Variants in ABCG1 observed in about 807,000 individuals in gnomAD.
ABCG1 encodes the protein ATP binding cassette subfamily G member 1, also known as ATP-binding cassette sub-family G member 1.
ABCG1 carries 29 observed loss-of-function variants against 69.2 expected under a neutral mutation model. That is an observed-to-expected ratio of 0.42 (90% CI 0.31 to 0.57). The LOEUF is 0.57. ABCG1 is among the 20% of genes least tolerant of loss of function. ABCG1 has a pLI of 0.15. For missense variants in ABCG1, 718 were observed against 898.1 expected, an observed-to-expected ratio of 0.80 and a Z score of 2.56; for synonymous variants, 370 against 374.8, an observed-to-expected ratio of 0.99 and a Z score of 0.15.
intron 2 of ABCG1, among the ~76,000 whole-genome samples, chr21:42,230,579 G>T (rs1202586051): frequency 6.6e-6 from 1 of 152,238 alleles, no homozygotes; most frequent in Non-Finnish European, 1.5e-5. Context: ...GTGGTTAAGA[G>T]TAAGTTCACA....
At chr21:42,269,908 C>T (rs1292622553) in intron 2 of ABCG1, among the ~76,000 whole-genome samples, 1 of 152,182 alleles carries the variant, frequency 6.6e-6, no homozygotes, top group Non-Finnish European at 1.5e-5. Flanking sequence ...CGTGTGGAAG[C>T]TAAAATGGCA....
At position 42,266,925 on chromosome 21, in the gene ABCG1, G is replaced by A. The variant is rs1006007593; in HGVS notation, c.287-4145G>A. Among the ~76,000 whole-genome samples the A allele has an allele frequency of 3.8e-4, 58 of 152,260 alleles. 1 individual carries two copies. Among genetic ancestry groups the A allele is most frequent in the Admixed American group, 8.5e-4 (13 of 15,290 alleles). Reference sequence around the variant, plus strand: ...GACCCCATTCTCTCCTCTGGTTCTCGATGGCCCTCACCTCCCATTTCTTTC... The same window carrying A: ...GACCCCATTCTCTCCTCTGGTTCTCAATGGCCCTCACCTCCCATTTCTTTC... On this transcript the variant is annotated intron_variant, in intron 2 of 14. Transcript: ENST00000398449.
intron 6 of ABCG1, among the ~76,000 whole-genome samples, 193 bp from the exon 7 acceptor site, chr21:42,284,367 G>T (rs950505238): frequency 6.6e-6 from 1 of 152,052 alleles, no homozygotes; most frequent in Non-Finnish European, 1.5e-5. Flanking sequence ...AACATGCAAA[G>T]CCCTGCTGTG....
Position 42,291,773 on chromosome 21 carries a change from A to G in ABCG1, c.1653+117A>G. 1.6e-6 allele frequency: 2 copies of G among 1,252,730 alleles called. No homozygotes were observed. The highest frequency in any genetic ancestry group is 3.3e-5 in the South Asian group (2 of 61,246). 77.6% of individuals were successfully genotyped at this position (1,252,730 alleles called of 1,614,324 possible). A position where few individuals can be genotyped will look rare whatever the true frequency, so the allele number is the denominator to read the frequency against. On this transcript the variant is annotated intron_variant, in intron 13 of 14. Coordinates refer to ENST00000398449, the MANE Select transcript of ABCG1 (RefSeq NM_016818.3). This position sits in a 1 kb window ranked among gnomAD's most constrained non-coding sequence, Gnocchi z 6.4. ...CCTACTTCTGCCCTGACCCTCCTAG[A>G]TGGGGTCGTTCCCACGGGAAGGGCC...
upstream of ABCG1, among the ~76,000 whole-genome samples, chr21:42,214,451 G>T (rs536413630): frequency 2.6e-5 from 4 of 152,206 alleles, no homozygotes; most frequent in African/African-American, 9.7e-5. Flanking sequence ...TAAGACACAC[G>T]TACACTCCCT....
chr21:42,269,947 G>A (rs2068585789), intron 2 of ABCG1, among the ~76,000 whole-genome samples: 1 of 152,178 alleles, frequency 6.6e-6, no homozygotes, highest in Non-Finnish European at 1.5e-5. Flanking sequence ...ATTTAACAGT[G>A]GATTCTGATC....
intron 2 of ABCG1, among the ~76,000 whole-genome samples, chr21:42,264,251 A>C (rs570815446): frequency 1.3e-5 from 2 of 152,324 alleles, no homozygotes; most frequent in African/African-American, 4.8e-5. Context: ...CTGAATCTCT[A>C]ATGTTCTAAA....
At chr21:42,241,107 C>T (rs1385555232) in intron 2 of ABCG1, among the ~76,000 whole-genome samples, 1 of 152,244 alleles carries the variant, frequency 6.6e-6, no homozygotes, top group East Asian at 1.9e-4. Flanking sequence ...GACTCTTATC[C>T]TTCTGACTTT....
chr21:42,241,147 G>C (rs895416265), intron 2 of ABCG1, among the ~76,000 whole-genome samples: 2 of 152,256 alleles, frequency 1.3e-5, no homozygotes, highest in Admixed American at 1.3e-4. Context: ...CACTGGCCAC[G>C]TTCAGACGTG....
At chr21:42,249,810 G>T (rs2068190313) in intron 2 of ABCG1, among the ~76,000 whole-genome samples, 1 of 152,104 alleles carries the variant, frequency 6.6e-6, no homozygotes, top group Admixed American at 6.5e-5. Flanking sequence ...TTTGAGACCA[G>T]CCTGGCCAGC....
chr21:42,267,862 G>A (rs567196926), intron 2 of ABCG1, among the ~76,000 whole-genome samples: 13 of 148,614 alleles, frequency 8.7e-5, no homozygotes, highest in Non-Finnish European at 1.8e-4. Context: ...GGTCTGATCT[G>A]GGTCTGGTCT....
chr21:42,242,450 A>C (rs2123603366), intron 2 of ABCG1, among the ~76,000 whole-genome samples: 1 of 152,322 alleles, frequency 6.6e-6, no homozygotes, highest in Middle Eastern at 3.4e-3. Flanking sequence ...GCAGTAAGCT[A>C]TGATAGCACT....
intron 1 of ABCG1, among the ~76,000 whole-genome samples, chr21:42,220,606 G>A (rs56714091): frequency 0.046 from 7,076 of 152,312 alleles, 531 homozygotes; most frequent in African/African-American, 0.16. Flanking sequence ...GAGCCCGAGC[G>A]GGAGACCCGC....
chr21:42,293,246 CACACTACACACCAT>C (rs1386976542), intron 13 of ABCG1, among the ~76,000 whole-genome samples: 5,692 of 134,054 alleles, frequency 0.042, 847 homozygotes, highest in African/African-American at 0.18. Context: ...ACACACACAC[CACACTACACACCAT>C]ACACTACACA....
intron 2 of ABCG1, among the ~76,000 whole-genome samples, chr21:42,264,391 GTCCA>G (rs762198211): frequency 2.0e-5 from 3 of 152,142 alleles, no homozygotes; most frequent in East Asian, 1.9e-4. Context: ...CTGTCCCTCT[GTCCA>G]TCCATCCATC....
chr21:42,234,566 C>T (rs1378366874), intron 2 of ABCG1, among the ~76,000 whole-genome samples: 1 of 152,242 alleles, frequency 6.6e-6, no homozygotes, highest in Non-Finnish European at 1.5e-5. Flanking sequence ...GGCCTCCACC[C>T]AGACGTTCCC....
At chr21:42,290,001 CGA>C (rs1569240792) in intron 10 of ABCG1, 47 bp from the exon 11 acceptor site, 2 of 1,612,610 alleles carry the variant, frequency 1.2e-6, no homozygotes, top group Admixed American at 3.3e-5. Flanking sequence ...TTCTCTGAGC[CGA>C]GGACGGCTTT....
rs574231157 is a variant in ABCG1, at chr21:42,281,290, G to A, written c.589-984G>A. On this transcript the variant is annotated intron_variant, in intron 5 of 14. Coordinates refer to ENST00000398449, the MANE Select transcript of ABCG1 (RefSeq NM_016818.3). ...CACAGGGCTGCCCTGGCAGGGTGGG[G>A]ACAATAGCTGGGTGAATGCTGGAGG... 2.6e-5 allele frequency among the ~76,000 whole-genome samples: 4 copies of A among 152,324 alleles called. No individual in the cohort carries two copies. The East Asian group carries it at 7.7e-4, about 29-fold the overall frequency.
At chr21:42,285,191 A>G (rs2123787169) in intron 7 of ABCG1, among the ~76,000 whole-genome samples, 1 of 152,226 alleles carries the variant, frequency 6.6e-6, no homozygotes, top group East Asian at 1.9e-4. Context: ...GCACAGTATC[A>G]TTTGGTTTAT....
Sources: allele counts gnomAD v4.1 joint callset (sites outside exome capture counted in the v4.1 genomes callset), GRCh38; gene constraint gnomAD v4.1.1; non-coding constraint Gnocchi (gnomAD v3.1); transcripts MANE v1.5; gene names NCBI Gene and HGNC (gene_info 2026-07-23, HGNC 2026-07-21).